SPATA6: variants seen among roughly 807,000 people sequenced by gnomAD.
SPATA6 encodes the protein spermatogenesis-associated protein 6.
In SPATA6, 56 loss-of-function variants were observed where a neutral mutation model predicts 65.3. The observed-to-expected ratio is 0.86, with a 90% CI of 0.69 to 1.07. SPATA6 has a LOEUF of 1.07. Among genes scored for constraint, SPATA6 ranks in the 50% least tolerant of loss-of-function variants. SPATA6 has a pLI of 0.00. For missense variants in SPATA6, 590 were observed against 594.8 expected, an observed-to-expected ratio of 0.99 and a Z score of 0.08; for synonymous variants, 199 against 213.2, an observed-to-expected ratio of 0.93 and a Z score of 0.58.
intron 5 of SPATA6, among the ~76,000 whole-genome samples, chr1:48,407,360 C>A (rs1469948007): frequency 6.6e-6 from 1 of 152,134 alleles, no homozygotes; most frequent in Non-Finnish European, 1.5e-5. Context: ...ACCTTACTCC[C>A]AGGACCTTCC....
intron 3 of SPATA6, among the ~76,000 whole-genome samples, chr1:48,413,553 C>T (rs1652477414): frequency 6.6e-6 from 1 of 150,926 alleles, no homozygotes; most frequent in Admixed American, 6.6e-5. Flanking sequence ...CCACCCACCT[C>T]GGCCTTCCAA....
intron 3 of SPATA6, among the ~76,000 whole-genome samples, chr1:48,419,685 AG>A (rs1258185862): frequency 6.6e-6 from 1 of 152,198 alleles, no homozygotes; most frequent in Non-Finnish European, 1.5e-5. Flanking sequence ...CAATAAACTT[AG>A]GCACATCACT....
At position 48,393,793 on chromosome 1, in the gene SPATA6, C is replaced by T. The variant is rs144624948; in HGVS notation, c.868+1474G>A. Among the ~76,000 whole-genome samples the T allele has an allele frequency of 4.6e-5, 7 of 152,148 alleles. No homozygotes were observed. In the East Asian group the frequency reaches 1.2e-3, roughly 25 times the overall value. ...TCTCTTCCTCTCTTGTAGATGGCTG[C>T]CTTCTAGTTGGGTCCTCAAATGGCA... On this transcript the variant is annotated intron_variant, in intron 8 of 12. Coordinates refer to ENST00000371847, the MANE Select transcript of SPATA6 (RefSeq NM_019073.4).
At chr1:48,422,907 G>A (rs1195610238) in intron 3 of SPATA6, among the ~76,000 whole-genome samples, 1 of 151,964 alleles carries the variant, frequency 6.6e-6, no homozygotes, top group Non-Finnish European at 1.5e-5. Flanking sequence ...TTATAAGAAT[G>A]CTCACAATAG....
At chr1:48,338,980 T>G (rs527264809) in intron 11 of SPATA6, among the ~76,000 whole-genome samples, 1 of 152,120 alleles carries the variant, frequency 6.6e-6, no homozygotes, top group African/African-American at 2.4e-5. Flanking sequence ...GTCATAGAGC[T>G]GATACTGCTC....
intron 11 of SPATA6, chr1:48,325,683 C>T (rs1172753450): frequency 1.7e-6 from 1 of 591,002 alleles, no homozygotes; most frequent in African/African-American, 1.9e-5. Context: ...CTGAGTTAAT[C>T]ATCCTCTTCA....
intron 11 of SPATA6, among the ~76,000 whole-genome samples, chr1:48,314,133 G>A (rs920269310): frequency 2.2e-4 from 34 of 152,044 alleles, no homozygotes; most frequent in Non-Finnish European, 3.8e-4. Flanking sequence ...ACAGATCAAC[G>A]AGACACAAAG....
chr1:48,337,092 A>G (rs1468385409), intron 11 of SPATA6, among the ~76,000 whole-genome samples: 1 of 151,970 alleles, frequency 6.6e-6, no homozygotes, highest in Admixed American at 6.6e-5. Context: ...GAATATTACA[A>G]GAAAGGAAAC....
At chr1:48,418,703 C>T (rs991260528) in intron 3 of SPATA6, among the ~76,000 whole-genome samples, 1 of 145,446 alleles carries the variant, frequency 6.9e-6, no homozygotes, top group East Asian at 2.0e-4. Flanking sequence ...GCCTGGGCAA[C>T]AAAACAAGAC....
chr1:48,391,328 G>GT, intron 8 of SPATA6, among the ~76,000 whole-genome samples: 1 of 151,660 alleles, frequency 6.6e-6, no homozygotes, highest in Middle Eastern at 3.4e-3. Context: ...AGTGAGCCAT[G>GT]TTACACCACG....
chr1:48,461,146 G>A (rs1657399261), intron 1 of SPATA6, among the ~76,000 whole-genome samples: 1 of 152,076 alleles, frequency 6.6e-6, no homozygotes, highest in Non-Finnish European at 1.5e-5. Flanking sequence ...CTTTTGAGAA[G>A]TGTCTGTTCA....
chr1:48,287,080 T>G, the SPATA6 span, among the ~76,000 whole-genome samples: 1 of 151,410 alleles, frequency 6.6e-6, no homozygotes, highest in Non-Finnish European at 1.5e-5. Flanking sequence ...CTCACTGTTT[T>G]GCAGGCTGTA....
intron 11 of SPATA6, among the ~76,000 whole-genome samples, chr1:48,320,769 A>G (rs1456000102): frequency 1.3e-5 from 2 of 152,252 alleles, no homozygotes; most frequent in Non-Finnish European, 1.5e-5. Context: ...TAGAAATACT[A>G]AAAGATGAAC....
At chr1:48,411,377 T>C in intron 5 of SPATA6, 87 bp downstream of exon 5, 1 of 1,402,708 alleles carries the variant, frequency 7.1e-7, no homozygotes. Flanking sequence ...GAATTTGTTC[T>C]TCACATTTAA....
chr1:48,432,546 T>C (rs1247803461), intron 3 of SPATA6, among the ~76,000 whole-genome samples: 1 of 152,150 alleles, frequency 6.6e-6, no homozygotes, highest in African/African-American at 2.4e-5. Context: ...TCAAGATCAC[T>C]AATAATTAGG....
At chr1:48,435,866 G>A (rs1256438309) in intron 3 of SPATA6, 4 of 1,259,270 alleles carry the variant, frequency 3.2e-6, no homozygotes, top group African/African-American at 2.9e-5. Flanking sequence ...CATGGTCGCT[G>A]CTAGGTAGGA....
chr1:48,392,789 T>C (rs1432126928), intron 8 of SPATA6, among the ~76,000 whole-genome samples: 1 of 152,062 alleles, frequency 6.6e-6, no homozygotes, highest in Non-Finnish European at 1.5e-5. Context: ...TCTATTAAAG[T>C]AAAATCAAAA....
chr1:48,384,775 C>T (rs1449031399), intron 9 of SPATA6, among the ~76,000 whole-genome samples: 2 of 152,158 alleles, frequency 1.3e-5, no homozygotes, highest in African/African-American at 4.8e-5. Context: ...AAAACAGTAT[C>T]TAGCCAAAAT....
chr1:48,357,707 T>C (rs1482435206), intron 10 of SPATA6, among the ~76,000 whole-genome samples: 3 of 152,170 alleles, frequency 2.0e-5, no homozygotes, highest in Non-Finnish European at 4.4e-5. Context: ...GAATGTCTTA[T>C]ATTTAAAGAT....
Sources: gnomAD v4.1 joint callset for allele counts (sites outside exome capture counted in the v4.1 genomes callset) on GRCh38, gnomAD v4.1.1 for gene constraint, MANE v1.5 for transcripts, NCBI Gene and HGNC (gene_info 2026-07-23, HGNC 2026-07-21) for gene names.